Variants in WWOX observed in about 807,000 individuals in gnomAD.
WWOX encodes the protein WW domain containing oxidoreductase.
A neutral mutation model predicts 46.2 loss-of-function variants in WWOX; 69 were observed. That is an observed-to-expected ratio of 1.49 (90% confidence interval 1.23 to 1.82). The LOEUF (loss-of-function observed/expected upper bound fraction) is 1.82. Ranked by LOEUF, WWOX falls within the 40% of genes most tolerant of loss-of-function variation. The pLI is 0.00. For synonymous variants in WWOX, 359 were observed against 202.6 expected, an observed-to-expected ratio of 1.77 and a Z score of -6.56; for missense variants, 919 against 542.6, an observed-to-expected ratio of 1.69 and a Z score of -6.89.
At chr16:78,150,581 A>G (rs573165276) in intron 4 of WWOX, among the ~76,000 whole-genome samples, 7 of 152,112 alleles carry the variant, frequency 4.6e-5, no homozygotes, top group Non-Finnish European at 7.4e-5. Context: ...CGAGGTCTCA[A>G]TATGTCACCC....
At chr16:78,995,593 G>A (rs1047281842) in intron 8 of WWOX, among the ~76,000 whole-genome samples, 1 of 151,986 alleles carries the variant, frequency 6.6e-6, no homozygotes, top group Non-Finnish European at 1.5e-5. Flanking sequence ...AAAAGAAAGA[G>A]AGAAAGAGAA....
chr16:78,894,590 T>A (rs1163597860), intron 8 of WWOX, among the ~76,000 whole-genome samples: 2 of 152,220 alleles, frequency 1.3e-5, no homozygotes. Context: ...TCTTCTTTTT[T>A]ATTCCATGAA....
At chr16:78,835,497 A>T (rs2051953738) in intron 8 of WWOX, among the ~76,000 whole-genome samples, 1 of 152,260 alleles carries the variant, frequency 6.6e-6, no homozygotes, top group South Asian at 2.1e-4. Context: ...GAGAAGGTGG[A>T]GTGATACTGA....
intron 4 of WWOX, among the ~76,000 whole-genome samples, chr16:78,159,188 C>T (rs993904402): frequency 4.6e-5 from 5 of 109,788 alleles, no homozygotes; most frequent in Middle Eastern, 3.5e-3. Flanking sequence ...TTCCACATTT[C>T]CTTTATCCAT....
intron 8 of WWOX, among the ~76,000 whole-genome samples, chr16:78,759,806 T>G (rs2049746402): frequency 6.6e-6 from 1 of 152,082 alleles, no homozygotes; most frequent in African/African-American, 2.4e-5. Flanking sequence ...CCAGAGTGAG[T>G]TTTATGGAGT....
At chr16:78,405,855 C>T (rs2082517231) in intron 6 of WWOX, among the ~76,000 whole-genome samples, 1 of 152,166 alleles carries the variant, frequency 6.6e-6, no homozygotes, top group African/African-American at 2.4e-5. Context: ...GAGGGCCACA[C>T]ACATAATGAG....
At chr16:78,388,418 G>T (rs1342369303) in intron 6 of WWOX, among the ~76,000 whole-genome samples, 1 of 151,984 alleles carries the variant, frequency 6.6e-6, no homozygotes, top group African/African-American at 2.4e-5. Flanking sequence ...AGGCCAAGGC[G>T]GGGAGGGTCA....
At chr16:78,444,677 C>T (rs556888970) in intron 8 of WWOX, among the ~76,000 whole-genome samples, 9 of 151,968 alleles carry the variant, frequency 5.9e-5, no homozygotes, top group South Asian at 2.1e-4. Context: ...ACTACAGGCG[C>T]GTGCCACCAC....
intron 8 of WWOX, among the ~76,000 whole-genome samples, chr16:78,501,501 T>A (rs1434018506): frequency 6.6e-6 from 1 of 151,882 alleles, no homozygotes; most frequent in Non-Finnish European, 1.5e-5. Context: ...CTGCTCACTT[T>A]GGGCTGTACG....
chr16:79,187,751 A>T (rs2005477), intron 8 of WWOX, among the ~76,000 whole-genome samples: 1 of 152,218 alleles, frequency 6.6e-6, no homozygotes. Context: ...TATGTTGGCC[A>T]GGCTGGTCTC....
chr16:78,307,973 C>T (rs1452609995), intron 5 of WWOX, among the ~76,000 whole-genome samples: 2 of 152,192 alleles, frequency 1.3e-5, no homozygotes, highest in Non-Finnish European at 2.9e-5. Context: ...CCATGTGTGA[C>T]ACTCTGGAAT....
chr16:78,972,470 GA>G (rs11375724), intron 8 of WWOX, among the ~76,000 whole-genome samples: 71,318 of 142,878 alleles, frequency 0.5, 17,764 homozygotes, highest in South Asian at 0.63. Flanking sequence ...AAGCAGGGGT[GA>G]AAAAAAAAAA....
At chr16:78,662,876 A>G (rs1288061676) in intron 8 of WWOX, among the ~76,000 whole-genome samples, 1 of 152,194 alleles carries the variant, frequency 6.6e-6, no homozygotes, top group Non-Finnish European at 1.5e-5. Flanking sequence ...GGCAGCTTGT[A>G]ACGTGGCAGC....
chr16:78,339,379 AAAC>A (rs58638084), intron 5 of WWOX, among the ~76,000 whole-genome samples: 23,689 of 113,108 alleles, frequency 0.21, 7,120 homozygotes, highest in African/African-American at 0.36. Context: ...AAAAAAAAAA[AAAC>A]AACTCCCCTG....
rs140309006 is a variant in WWOX, at chr16:78,367,103, C to T, written c.517-19757C>T. Among the ~76,000 whole-genome samples the T allele has an allele frequency of 1.7e-4, 25 of 151,074 alleles. No homozygotes were observed. The East Asian group carries it at 4.9e-3, about 30-fold the overall frequency. ...TACGCCATTCTCCTGCCTCAGCCTC[C>T]TAAGTAGCTGGTACTACAGGTGCCT... On this transcript the variant is annotated intron_variant, in intron 5 of 8. Transcript: ENST00000566780.
intron 8 of WWOX, among the ~76,000 whole-genome samples, chr16:78,619,183 A>T (rs1274300939): frequency 1.2e-4 from 3 of 24,556 alleles, no homozygotes; most frequent in Non-Finnish European, 2.1e-4. Context: ...ATATATATAT[A>T]TATATATATA....
intron 8 of WWOX, among the ~76,000 whole-genome samples, chr16:78,475,264 C>T (rs1486739480): frequency 1.3e-5 from 2 of 152,184 alleles, no homozygotes; most frequent in Admixed American, 6.5e-5. Context: ...TCATCTTTAT[C>T]TTCTCCTCCC....
chr16:78,665,612 T>C (rs1456646729), intron 8 of WWOX, among the ~76,000 whole-genome samples: 1 of 152,078 alleles, frequency 6.6e-6, no homozygotes. Flanking sequence ...GATTGCCCTG[T>C]CAGGGTGGGT....
intron 8 of WWOX, among the ~76,000 whole-genome samples, chr16:78,939,644 C>T (rs372435850): frequency 2.4e-4 from 37 of 152,144 alleles, no homozygotes; most frequent in African/African-American, 8.0e-4. Flanking sequence ...GATCAAATAT[C>T]GAATTATTAA....
Sources: gnomAD v4.1 joint callset for allele counts (sites outside exome capture counted in the v4.1 genomes callset) on GRCh38, gnomAD v4.1.1 for gene constraint, MANE v1.5 for transcripts, NCBI Gene and HGNC (gene_info 2026-07-23, HGNC 2026-07-21) for gene names.